The following ITIH5 variants were observed in gnomAD, a reference collection of about 807,000 sequenced individuals.
The protein encoded by ITIH5 is inter-alpha-trypsin inhibitor heavy chain 5, also known as inter-alpha-trypsin inhibitor heavy chain H5.
A neutral mutation model predicts 77.5 loss-of-function variants in ITIH5; 65 were observed. The observed-to-expected ratio is 0.84, with a 90% CI of 0.69 to 1.03. The LOEUF is 1.03. Among genes scored for constraint, ITIH5 ranks in the 50% least tolerant of loss-of-function variants. The probability of loss-of-function intolerance (pLI) is 0.00; values close to 1 mark genes in which losing one functional copy is unlikely to be tolerated. For missense variants in ITIH5, 1,208 were observed against 1,213.1 expected, an observed-to-expected ratio of 1.00 and a Z score of 0.06; for synonymous variants, 525 against 494.3, an observed-to-expected ratio of 1.06 and a Z score of -0.82.
intron 11 of ITIH5, among the ~76,000 whole-genome samples, chr10:7,571,155 C>A (rs1832289261): frequency 6.6e-6 from 1 of 152,106 alleles, no homozygotes; most frequent in African/African-American, 2.4e-5. Context: ...CTGAAAATTG[C>A]AACATATGAA....
intron 7 of ITIH5, among the ~76,000 whole-genome samples, chr10:7,603,647 G>C (rs11255230): frequency 1.3e-5 from 2 of 151,938 alleles, no homozygotes; most frequent in African/African-American, 4.8e-5. Context: ...GCAGTGGCGC[G>C]ATCTTGGCTC....
At chr10:7,625,773 A>AAAAAAG (rs1554755460) in intron 5 of ITIH5, among the ~76,000 whole-genome samples, 3 of 149,682 alleles carry the variant, frequency 2.0e-5, no homozygotes, top group African/African-American at 7.4e-5. Flanking sequence ...TCAAAAAAAA[A>AAAAAAG]AAAGAAAGAA....
chr10:7,605,947 C>T (rs1229720164), intron 7 of ITIH5, among the ~76,000 whole-genome samples: 1 of 152,296 alleles, frequency 6.6e-6, no homozygotes, highest in East Asian at 1.9e-4. Context: ...TTTCCTGGCG[C>T]CACACTTTCC....
Position 7,573,077 on chromosome 10 carries a change from C to A in ITIH5, c.2032+65G>T, listed in dbSNP as rs1305206411. The A allele has an allele frequency of 1.3e-5, 19 of 1,491,886 alleles. No homozygotes were observed. In the East Asian group the frequency reaches 3.8e-4, roughly 30 times the overall value. 92.4% of individuals were successfully genotyped at this position (1,491,886 alleles called of 1,614,324 possible). A position where few individuals can be genotyped will look rare whatever the true frequency, so the allele number is the denominator to read the frequency against. On this transcript the variant is annotated intron_variant, in intron 11 of 13. Transcript: ENST00000397146. ...ACAGGCGTGAGCCAGTACACCTGGC[C>A]TGGTTTTACACTTTTTAAACATCTC... is the stretch of plus-strand genomic sequence containing the variant.
At chr10:7,666,749 C>A (rs1354423669) in intron 1 of ITIH5, 54 bp downstream of exon 1, 7 of 1,466,196 alleles carry the variant, frequency 4.8e-6, no homozygotes, top group Non-Finnish European at 5.6e-6. Context: ...GCCGGGCCGG[C>A]GGAGGGAAGG....
At position 7,563,193 on chromosome 10, in the gene ITIH5, C is replaced by A; in HGVS notation, c.2719G>T (p.Ala907Ser). ...NGEEQIDCWF[A>S]RNNAAKLIDG... is the part of the protein sequence containing the mutation. ...ATCAGTTTGGCGGCATTGTTCCTGG[C>A]AAACCAGCAGTCTATCTGCTCTTCC... is the stretch of plus-strand genomic sequence containing the variant. The change falls in exon 14 of 14, where the codon GCC becomes TCC. Residue 907 changes from alanine to serine, a missense_variant. Physicochemically the swap from Ala to Ser is moderately conservative, Grantham distance 99. Transcript: ENST00000397146. 6.2e-7 allele frequency: 1 copy of A among 1,614,234 alleles called. No homozygotes were observed. Among genetic ancestry groups the A allele is most frequent in the Non-Finnish European group, 8.5e-7 (1 of 1,180,042 alleles).
intron 12 of ITIH5, 50 bp from the exon 13 acceptor site, chr10:7,566,457 G>GA: frequency 1.3e-6 from 2 of 1,537,306 alleles, no homozygotes; most frequent in Non-Finnish European, 1.8e-6. Context: ...GACCAGGAGT[G>GA]GTGGCTCACA....
intron 13 of ITIH5, among the ~76,000 whole-genome samples, chr10:7,565,130 C>CA (rs1832120395): frequency 6.8e-6 from 1 of 147,482 alleles, no homozygotes; most frequent in African/African-American, 2.5e-5. Context: ...TATATACACA[C>CA]ACCATACATA....
intron 10 of ITIH5, among the ~76,000 whole-genome samples, chr10:7,575,206 C>T (rs1832385859): frequency 6.6e-6 from 1 of 152,200 alleles, no homozygotes; most frequent in African/African-American, 2.4e-5. Flanking sequence ...CACGGCATTC[C>T]ATATTTAGTT....
At chr10:7,576,321 G>GT in intron 10 of ITIH5, 132 bp downstream of exon 10, 1 of 839,762 alleles carries the variant, frequency 1.2e-6, no homozygotes, top group African/African-American at 1.7e-5. Context: ...ACTATACCCG[G>GT]TCTGGGTTAT....
At chr10:7,569,959 C>A in intron 11 of ITIH5, 175 bp from the exon 12 acceptor site, 1 of 512,808 alleles carries the variant, frequency 2.0e-6, no homozygotes, top group Non-Finnish European at 3.4e-6. Flanking sequence ...GAAACAACTC[C>A]CCAGAATTAC....
chr10:7,566,231 T>G lies in ITIH5; in HGVS notation c.2326A>C (p.Asn776His). Residue 776 changes from asparagine to histidine, a missense_variant, in exon 13 of 14, where the codon AAC becomes CAC. Physicochemically the swap from Asn to His is moderately conservative, Grantham distance 68. Transcript: ENST00000397146. ...DGGDRLVLPCNQSVVVGSWGL... is the reference protein window; with the variant it reads ...DGGDRLVLPCHQSVVVGSWGL... ...CAGCTCCCCACCACCACACTCTGGT[T>G]GCAGGGGAGCACCAGTCTGTCCCCA... The G allele has an allele frequency of 6.2e-7, 1 of 1,613,744 alleles. No homozygotes were observed. Among genetic ancestry groups the G allele is most frequent in the Non-Finnish European group, 8.5e-7 (1 of 1,179,824 alleles).
intron 11 of ITIH5, chr10:7,572,776 T>TTTTTTTTTTTTTTTTTTTTTTG: frequency 7.4e-6 from 1 of 134,802 alleles, no homozygotes; most frequent in Non-Finnish European, 1.5e-5. Context: ...TTACACTTTT[T>TTTTTTTTTTTTTTTTTTTTTTG]TTTTTTTTTT....
intron 4 of ITIH5, among the ~76,000 whole-genome samples, chr10:7,638,387 A>C (rs1833833970): frequency 6.6e-6 from 1 of 152,238 alleles, no homozygotes; most frequent in Non-Finnish European, 1.5e-5. Context: ...GAATGAATGA[A>C]AAGAGACTGA....
In ITIH5 at chr10:7,629,026, CAT is replaced by C. The variant is rs573549979; in HGVS notation, c.652+8200_652+8201del. 4.2e-4 allele frequency among the ~76,000 whole-genome samples: 56 copies of C among 132,128 alleles called. 1 individual carries two copies. Among genetic ancestry groups the C allele is most frequent in the African/African-American group, 1.5e-3 (54 of 37,094 alleles). The allele number at this position is 132,128 out of a possible 152,430, so 86.7% of individuals were successfully genotyped here. Reference sequence around the variant, plus strand: ...GTTATCATATGTATCTGTGTTTTCACATGTGTCCCTGTTGTAGCGTGTGTCCA... The same window carrying C: ...GTTATCATATGTATCTGTGTTTTCACGTGTCCCTGTTGTAGCGTGTGTCCA... On this transcript the variant is annotated intron_variant, in intron 5 of 13. Transcript: ENST00000397146.
intron 7 of ITIH5, among the ~76,000 whole-genome samples, chr10:7,597,347 C>T (rs959668095): frequency 1.3e-5 from 2 of 152,044 alleles, no homozygotes; most frequent in South Asian, 2.1e-4. Flanking sequence ...AGTATGGCCC[C>T]GTCATCACGC....
At chr10:7,566,912 A>G (rs891330922) in intron 12 of ITIH5, among the ~76,000 whole-genome samples, 1 of 122,708 alleles carries the variant, frequency 8.1e-6, no homozygotes, top group Admixed American at 8.5e-5. Context: ...GAAGAAGAAG[A>G]AGAAGAAGAA....
chr10:7,659,239 C>T (rs747191024), intron 1 of ITIH5, among the ~76,000 whole-genome samples: 2 of 151,834 alleles, frequency 1.3e-5, no homozygotes, highest in East Asian at 1.9e-4. Context: ...ATTAGCTGGG[C>T]GTCGTGGCAC....
At chr10:7,569,012 T>G (rs1382844661) in intron 12 of ITIH5, 1 of 4,822 alleles carries the variant, frequency 2.1e-4, no homozygotes, top group African/African-American at 3.4e-4. Flanking sequence ...TTCTTTTTCT[T>G]TTTTTTTTTT....
Sources: allele counts gnomAD v4.1 joint callset (sites outside exome capture counted in the v4.1 genomes callset), GRCh38; gene constraint gnomAD v4.1.1; transcripts MANE v1.5; gene names NCBI Gene and HGNC (gene_info 2026-07-23, HGNC 2026-07-21).